Variants in CFAP46 observed in about 807,000 individuals in gnomAD.
CFAP46 encodes the protein cilia and flagella associated protein 46.
Under a neutral mutation model 325.7 loss-of-function variants are expected in CFAP46, and 245 were observed. That is an observed-to-expected ratio of 0.75 (90% CI 0.68 to 0.84). The LOEUF is 0.84. CFAP46 is among the 40% of genes least tolerant of loss of function. The pLI is 0.00. For synonymous variants in CFAP46, 1,523 were observed against 1,495.9 expected (o/e 1.02, Z -0.42); for missense variants, 3,346 against 3,543.0 (o/e 0.94, Z 1.41).
In CFAP46 at chr10:132,878,961, G is replaced by T. The variant is rs190056889; in HGVS notation, c.4005+465C>A. On this transcript the variant is annotated intron_variant, in intron 29 of 57. Coordinates refer to ENST00000368586, the MANE Select transcript of CFAP46 (RefSeq NM_001200049.3). Reference sequence around the variant, plus strand: ...GTGGTAGGAGGAGCAGGACAAGGAGGGGGGTGGGAGTGGGAAGAAGGCTCT... The same window carrying T: ...GTGGTAGGAGGAGCAGGACAAGGAGTGGGGTGGGAGTGGGAAGAAGGCTCT... Among the ~76,000 whole-genome samples the T allele has an allele frequency of 4.6e-5, 7 of 152,296 alleles. No individual in the cohort carries two copies. In the East Asian group the frequency reaches 7.7e-4, roughly 17 times the overall value.
At position 132,860,799 on chromosome 10, in the gene CFAP46, A is replaced by G. The variant is rs1240152656; in HGVS notation, c.5074T>C (p.Ser1692Pro). 6.4e-7 allele frequency: 1 copy of G among 1,550,824 alleles called. No homozygotes were observed. Among genetic ancestry groups the G allele is most frequent in the Non-Finnish European group, 8.7e-7 (1 of 1,147,074 alleles). Residue 1692 changes from serine to proline, a missense_variant, in exon 36 of 58, where the codon TCA becomes CCA. By Grantham distance (74) the Ser-to-Pro change is moderately conservative. Coordinates refer to ENST00000368586, the MANE Select transcript of CFAP46 (RefSeq NM_001200049.3). ...CCTCTTACCGTAGCTTCCCTTCCTGAGTGTTCCATGGACAAGAGCGCCTCT... is the reference window on the plus strand; with the variant it reads ...CCTCTTACCGTAGCTTCCCTTCCTGGGTGTTCCATGGACAAGAGCGCCTCT... ...LAEALLSMEH[S>P]GREATVCHIF...
chr10:132,824,412 G>A (rs1847985237), intron 50 of CFAP46, among the ~76,000 whole-genome samples: 1 of 141,038 alleles, frequency 7.1e-6, no homozygotes, highest in Non-Finnish European at 1.5e-5. Flanking sequence ...TGTGTTTTGT[G>A]TGCTGTGTGA....
rs1847515370 is a variant in CFAP46, at chr10:132,808,707, G to T, written c.7862C>A (p.Pro2621His). Residue 2621 changes from proline (P) to histidine (H), a missense_variant, in exon 58 of 58, where the codon CCC becomes CAC. Transcript: ENST00000368586. The surrounding 1 kb of genome is among the most constrained non-coding windows in gnomAD (Gnocchi z 6.8). ...GCTGGGGATGGGAGCCGGGAGGTGG[G>T]GATGGGTTGGCAGAGGGGCAGAGCC... ...ALGSAPLPTH[P>H]HLPAPIPSSQ... 6.4e-7 allele frequency: 1 copy of T among 1,568,866 alleles called. No homozygotes were observed. The highest frequency in any genetic ancestry group is 1.2e-5 in the South Asian group (1 of 86,910).
intron 44 of CFAP46, among the ~76,000 whole-genome samples, chr10:132,843,471 G>C (rs113921369): frequency 2.3e-5 from 3 of 131,416 alleles, no homozygotes; most frequent in African/African-American, 1.1e-4. Flanking sequence ...CTGTAGGGCT[G>C]CTGCTGGTGG....
At chr10:132,836,369 G>A (rs1345864081) in intron 45 of CFAP46, 151 bp from the exon 46 acceptor site, 2 of 701,112 alleles carry the variant, frequency 2.9e-6, no homozygotes, top group South Asian at 1.7e-5. Flanking sequence ...GCCTCCAGGG[G>A]CACCGCTGGG....
At chr10:132,860,272 G>C in intron 37 of CFAP46, 145 bp downstream of exon 37, 1 of 617,632 alleles carries the variant, frequency 1.6e-6, no homozygotes, top group Non-Finnish European at 2.9e-6. Flanking sequence ...GCTTTCTGGA[G>C]CTGCACGGAA....
At chr10:132,893,936 G>A (rs1247783919) in intron 24 of CFAP46, among the ~76,000 whole-genome samples, 1 of 152,110 alleles carries the variant, frequency 6.6e-6, no homozygotes, top group Non-Finnish European at 1.5e-5. Context: ...GTTTGCCACT[G>A]GTAACACACT....
At chr10:132,812,941 G>A in intron 54 of CFAP46, 44 bp from the exon 55 acceptor site, 1 of 1,492,522 alleles carries the variant, frequency 6.7e-7, no homozygotes, top group Non-Finnish European at 9.2e-7. Context: ...CCATGCACCT[G>A]TACCAGACCC....
intron 11 of CFAP46, among the ~76,000 whole-genome samples, chr10:132,924,393 C>A (rs941313875): frequency 4.8e-5 from 5 of 104,218 alleles, no homozygotes; most frequent in Admixed American, 3.2e-4. Flanking sequence ...CACGGGGCCA[C>A]AACCAGCCCC....
At chr10:132,906,398 C>T (rs566161545) in intron 22 of CFAP46, among the ~76,000 whole-genome samples, 40 of 152,380 alleles carry the variant, frequency 2.6e-4, no homozygotes, top group African/African-American at 9.1e-4. Context: ...CCATTTCCTG[C>T]TCTAGAGCCT....
chr10:132,910,960 G>A (rs970946302), intron 19 of CFAP46, among the ~76,000 whole-genome samples: 13 of 152,166 alleles, frequency 8.5e-5, no homozygotes, highest in Middle Eastern at 3.2e-3. Context: ...CACACTCTCC[G>A]CCATTCACTC....
rs768136333 is a variant in CFAP46, at chr10:132,808,539, C to T, written c.8030G>A (p.Arg2677Gln). Residue 2677 changes from arginine to glutamine, a missense_variant, in exon 58 of 58, where the codon CGG (arginine) becomes CAG (glutamine). Coordinates refer to ENST00000368586, the MANE Select transcript of CFAP46 (RefSeq NM_001200049.3). The surrounding 1 kb of genome is among the most constrained non-coding windows in gnomAD (Gnocchi z 6.8). ...CCGGGAAGAGACGCAGCTCCAGCCC[C>T]GACGCAGACCCCATGGCGCACACAG... ...ACLCAPWGLR[R>Q]GWSCVSSRGQ... 3.3e-5 allele frequency: 53 copies of T among 1,612,906 alleles called. No individual in the cohort carries two copies. Among genetic ancestry groups the T allele is most frequent in the Non-Finnish European group, 4.1e-5 (48 of 1,179,970 alleles).
In CFAP46 at chr10:132,889,685, G is replaced by C. The variant is rs536816925; in HGVS notation, c.3304+2648C>G. Among the ~76,000 whole-genome samples the C allele has an allele frequency of 6.6e-6, 1 of 152,302 alleles. No individual in the cohort carries two copies. The highest frequency in any genetic ancestry group is 1.9e-4 in the East Asian group (1 of 5,176). On this transcript the variant is annotated intron_variant, in intron 25 of 57. Coordinates refer to ENST00000368586, the MANE Select transcript of CFAP46 (RefSeq NM_001200049.3). The surrounding 1 kb of genome is among the most constrained non-coding windows in gnomAD (Gnocchi z 6.0). Reference sequence around the variant, plus strand: ...CCAATTCACGGGCGGAGGCACTGCAGCCGGACCCCACCCCTCATGCATTCC... The same window carrying C: ...CCAATTCACGGGCGGAGGCACTGCACCCGGACCCCACCCCTCATGCATTCC...
rs1282946770 is a variant in CFAP46 at position 132,832,121 on chromosome 10, T to C, written c.7117+1237A>G. On this transcript the variant is annotated intron_variant, in intron 50 of 57. Coordinates refer to ENST00000368586, the MANE Select transcript of CFAP46 (RefSeq NM_001200049.3). This position sits in a 1 kb window ranked among gnomAD's most constrained non-coding sequence, Gnocchi z 4.1. ...ATTATTATTGTCTTTTGCTCTAAGC[T>C]TTTTGCTCAAAAATATTTTAAAGAG... 6.6e-6 allele frequency among the ~76,000 whole-genome samples: 1 copy of C among 152,232 alleles called. No homozygotes were observed. The highest frequency in any genetic ancestry group is 1.5e-5 in the Non-Finnish European group (1 of 68,044).
Position 132,847,192 on chromosome 10 carries a change from G to A in CFAP46, c.6082C>T (p.Leu2028=). Residue 2028 remains leucine, a synonymous_variant, in exon 42 of 58, where the codon CTG becomes TTG. Transcript: ENST00000368586. This position sits in a 1 kb window ranked among gnomAD's most constrained non-coding sequence, Gnocchi z 5.2. ...GGCAGGAGGGGCAGCCGCACCTTCA[G>A]GTCCTCGCCTCTCCTGCAGTGCTCC... is the stretch of plus-strand genomic sequence containing the variant. ...PEEHCRRGED[L]KRRMVLAQQY... 1 of 1,611,788 alleles carries A rather than the reference G, an allele frequency of 6.2e-7. No homozygotes were observed. Among genetic ancestry groups the A allele is most frequent in the Non-Finnish European group, 8.5e-7 (1 of 1,179,630 alleles).
intron 20 of CFAP46, among the ~76,000 whole-genome samples, chr10:132,909,676 C>T (rs151281065): frequency 0.012 from 1,846 of 152,354 alleles, 40 homozygotes; most frequent in African/African-American, 0.042. Flanking sequence ...CTTGGGAGAG[C>T]GCAGCACCCC....
At chr10:132,934,098 T>C (rs181903079) in intron 8 of CFAP46, among the ~76,000 whole-genome samples, 72 of 152,356 alleles carry the variant, frequency 4.7e-4, no homozygotes, top group Non-Finnish European at 8.8e-4. Flanking sequence ...AGATAACTAA[T>C]ACACCTTCTC....
In CFAP46 at chr10:132,912,825, G is replaced by A. The variant is rs1343755285; in HGVS notation, c.2334-5C>T. ...GTCACCAGCATCACGGGGTCCCTGGGAGACATGCTTGTCAGAGGGAACCTT... is the reference window on the plus strand; with the variant it reads ...GTCACCAGCATCACGGGGTCCCTGGAAGACATGCTTGTCAGAGGGAACCTT... On this transcript the variant is annotated splice_region_variant and splice_polypyrimidine_tract_variant and intron_variant, in intron 18 of 57. Coordinates refer to ENST00000368586, the MANE Select transcript of CFAP46 (RefSeq NM_001200049.3). The A allele has an allele frequency of 7.8e-6, 12 of 1,547,938 alleles. No individual in the cohort carries two copies. The highest frequency in any genetic ancestry group is 1.0e-5 in the Non-Finnish European group (12 of 1,146,542).
chr10:132,845,511 C>T (rs1022124980), intron 44 of CFAP46, among the ~76,000 whole-genome samples: 2 of 152,210 alleles, frequency 1.3e-5, no homozygotes, highest in African/African-American at 2.4e-5. Flanking sequence ...GCCACGCAGC[C>T]GAAGGAGGGA....
Sources: gnomAD v4.1 joint callset for allele counts (sites outside exome capture counted in the v4.1 genomes callset) on GRCh38, gnomAD v4.1.1 for gene constraint, Gnocchi (gnomAD v3.1) non-coding constraint, MANE v1.5 for transcripts, NCBI Gene and HGNC (gene_info 2026-07-23, HGNC 2026-07-21) for gene names.